Variants in TENM3 observed in about 807,000 individuals in gnomAD.
The protein encoded by TENM3 is teneurin transmembrane protein 3.
TENM3 carries 63 observed loss-of-function variants against 255.1 expected under a neutral mutation model. The ratio of observed to expected loss-of-function variants is 0.25; its 90% CI spans 0.20 to 0.30. The LOEUF (loss-of-function observed/expected upper bound fraction) is 0.30. Among genes scored for constraint, TENM3 ranks in the 10% least tolerant of loss-of-function variants. The pLI is 1.00. For missense variants in TENM3, 2,929 were observed against 3,461.1 expected (o/e 0.85, Z 3.86); for synonymous variants, 1,306 against 1,322.3 (o/e 0.99, Z 0.27).
At chr4:181,606,885 C>G in the TENM3 span, among the ~76,000 whole-genome samples, 1 of 152,092 alleles carries the variant, frequency 6.6e-6, no homozygotes, top group Non-Finnish European at 1.5e-5. Context: ...TTCACCAGCC[C>G]AGGGCCATTT....
the TENM3 span, among the ~76,000 whole-genome samples, chr4:181,453,085 A>G: frequency 7.9e-5 from 12 of 152,212 alleles, no homozygotes; most frequent in Non-Finnish European, 1.3e-4. Context: ...GCTCTAGAGC[A>G]GGAAAACTCA....
At chr4:181,869,651 T>C in the TENM3 span, among the ~76,000 whole-genome samples, 1 of 152,072 alleles carries the variant, frequency 6.6e-6, no homozygotes, top group African/African-American at 2.4e-5. Flanking sequence ...AAAATTTAAA[T>C]TTTTTGAAAC....
At chr4:181,691,209 T>G in the TENM3 span, among the ~76,000 whole-genome samples, 1 of 151,918 alleles carries the variant, frequency 6.6e-6, no homozygotes, top group East Asian at 1.9e-4. Context: ...TTTCTGGCTC[T>G]GCAATTCAAA....
At chr4:181,696,418 T>C in the TENM3 span, among the ~76,000 whole-genome samples, 1 of 152,168 alleles carries the variant, frequency 6.6e-6, no homozygotes, top group South Asian at 2.1e-4. Flanking sequence ...CACAGTAATA[T>C]GCTGCATACA....
chr4:181,517,574 T>G, the TENM3 span, among the ~76,000 whole-genome samples: 1 of 152,298 alleles, frequency 6.6e-6, no homozygotes, highest in East Asian at 1.9e-4. Flanking sequence ...CACACACATA[T>G]CTATGGTAGG....
At chr4:182,040,770 C>T in the TENM3 span, among the ~76,000 whole-genome samples, 1 of 152,184 alleles carries the variant, frequency 6.6e-6, no homozygotes, top group South Asian at 2.1e-4. Context: ...TAATTTCTTA[C>T]TCCTTCTCTT....
At chr4:181,922,865 G>A in the TENM3 span, among the ~76,000 whole-genome samples, 1 of 151,844 alleles carries the variant, frequency 6.6e-6, no homozygotes, top group Non-Finnish European at 1.5e-5. Context: ...TTCTCTTGTG[G>A]GCATTCAGTG....
chr4:181,728,054 C>A, the TENM3 span, among the ~76,000 whole-genome samples: 22 of 152,270 alleles, frequency 1.4e-4, no homozygotes, highest in African/African-American at 5.1e-4. Context: ...TTGTGATAAA[C>A]AACATAATGT....
At chr4:182,063,927 G>A in the TENM3 span, among the ~76,000 whole-genome samples, 2 of 152,156 alleles carry the variant, frequency 1.3e-5, no homozygotes, top group Non-Finnish European at 2.9e-5. Context: ...AGGCATTCAT[G>A]GAGTTGGCAT....
chr4:181,750,164 G>A, the TENM3 span, among the ~76,000 whole-genome samples: 1 of 152,216 alleles, frequency 6.6e-6, no homozygotes, highest in Admixed American at 6.5e-5. Flanking sequence ...ACTTGGGTGA[G>A]GTGTTACTGT....
At chr4:181,449,722 G>C in the TENM3 span, among the ~76,000 whole-genome samples, 1 of 152,184 alleles carries the variant, frequency 6.6e-6, no homozygotes, top group Non-Finnish European at 1.5e-5. Context: ...AGAAGGCCGA[G>C]GTTGCAATGA....
chr4:182,230,701 C>G (rs1756499075), intron 1 of TENM3, among the ~76,000 whole-genome samples: 1 of 151,288 alleles, frequency 6.6e-6, no homozygotes, highest in African/African-American at 2.4e-5. Context: ...CCCACCTATC[C>G]CCATCAGATG....
At chr4:182,118,203 A>G in the TENM3 span, among the ~76,000 whole-genome samples, 1 of 152,056 alleles carries the variant, frequency 6.6e-6, no homozygotes, top group Admixed American at 6.5e-5. Context: ...TTCAGATCCT[A>G]TGCAGACAAT....
intron 3 of TENM3, among the ~76,000 whole-genome samples, chr4:182,368,281 A>G (rs1766564937): frequency 6.6e-6 from 1 of 152,126 alleles, no homozygotes; most frequent in Non-Finnish European, 1.5e-5. Context: ...CTGTAGGATT[A>G]TGATAGTAAA....
the TENM3 span, among the ~76,000 whole-genome samples, chr4:181,751,895 C>A: frequency 6.6e-6 from 1 of 152,162 alleles, no homozygotes; most frequent in Admixed American, 6.6e-5. Flanking sequence ...AGGCACAGAG[C>A]CAGTGTCACA....
intron 23 of TENM3, 84 bp downstream of exon 23, chr4:182,773,731 A>G: frequency 8.1e-7 from 1 of 1,227,360 alleles, no homozygotes; most frequent in Non-Finnish European, 1.1e-6. Flanking sequence ...GGTGAACCAG[A>G]AAAGGGAAGG....
At chr4:181,902,503 C>A in the TENM3 span, among the ~76,000 whole-genome samples, 2 of 152,146 alleles carry the variant, frequency 1.3e-5, no homozygotes, top group Non-Finnish European at 2.9e-5. Context: ...TTTGAGATAG[C>A]AAAGACTTGG....
upstream of TENM3, among the ~76,000 whole-genome samples, chr4:182,241,962 T>C (rs145453329): frequency 3.2e-3 from 491 of 151,670 alleles, 8 homozygotes; most frequent in African/African-American, 0.01. Flanking sequence ...TCATCTGTTT[T>C]CTCCACTGTC....
intron 1 of TENM3, among the ~76,000 whole-genome samples, chr4:182,182,865 A>C (rs1371018704): frequency 1.3e-5 from 2 of 152,226 alleles, no homozygotes; most frequent in Admixed American, 1.3e-4. Context: ...CAAATGTTGC[A>C]AACAAACAAG....
Sources: gnomAD v4.1 joint callset for allele counts (sites outside exome capture counted in the v4.1 genomes callset) on GRCh38, gnomAD v4.1.1 for gene constraint, MANE v1.5 for transcripts, NCBI Gene and HGNC (gene_info 2026-07-23, HGNC 2026-07-21) for gene names.